Variants in SH3RF2 observed in about 807,000 individuals in gnomAD.
SH3RF2 encodes the protein SH3 domain containing ring finger 2.
SH3RF2 carries 43 observed loss-of-function variants against 59.0 expected under a neutral mutation model. That is an observed-to-expected ratio of 0.73 (90% CI 0.57 to 0.94). The LOEUF (loss-of-function observed/expected upper bound fraction) is 0.94. SH3RF2 is among the 40% of genes least tolerant of loss of function. SH3RF2 has a pLI of 0.00. For missense variants in SH3RF2, 930 were observed against 940.1 expected, an observed-to-expected ratio of 0.99 and a Z score of 0.14; for synonymous variants, 391 against 391.5, an observed-to-expected ratio of 1.00 and a Z score of 0.01.
chr5:146,048,977 C>G, intron 6 of SH3RF2, 98 bp from the exon 7 acceptor site: 2 of 1,425,662 alleles, frequency 1.4e-6, no homozygotes, highest in African/African-American at 2.8e-5. Context: ...GTTCTTATTG[C>G]TAACCACTGG....
chr5:146,019,225 G>C (rs548648164), intron 5 of SH3RF2, among the ~76,000 whole-genome samples: 1 of 152,058 alleles, frequency 6.6e-6, no homozygotes, highest in Non-Finnish European at 1.5e-5. Context: ...TTTTCTTCTA[G>C]ATTTTTTATG....
At chr5:146,026,053 C>T (rs181027560) in intron 5 of SH3RF2, among the ~76,000 whole-genome samples, 49 of 152,188 alleles carry the variant, frequency 3.2e-4, no homozygotes, top group East Asian at 1.7e-3. Flanking sequence ...ATGGGCCAAA[C>T]GTTTTAAAAT....
chr5:146,003,744 T>A (rs954384121), intron 3 of SH3RF2, among the ~76,000 whole-genome samples: 1 of 152,272 alleles, frequency 6.6e-6, no homozygotes, highest in Admixed American at 6.5e-5. Flanking sequence ...GGCTTCCATC[T>A]TGATTTCTCC....
intron 5 of SH3RF2, among the ~76,000 whole-genome samples, chr5:146,035,685 C>A (rs1345493899): frequency 6.6e-6 from 1 of 152,158 alleles, no homozygotes; most frequent in African/African-American, 2.4e-5. Context: ...AGAAAATAAC[C>A]TCCATCACCA....
chr5:145,980,556 C>G (rs1160324180), intron 2 of SH3RF2, among the ~76,000 whole-genome samples: 2 of 152,298 alleles, frequency 1.3e-5, no homozygotes, highest in Admixed American at 1.3e-4. Context: ...TCCTGCACTT[C>G]ACAATCTTTT....
At chr5:146,023,829 A>G (rs1761424217) in intron 5 of SH3RF2, among the ~76,000 whole-genome samples, 1 of 152,086 alleles carries the variant, frequency 6.6e-6, no homozygotes, top group East Asian at 1.9e-4. Context: ...CCTATTCTGG[A>G]TGTTTTCTAT....
At chr5:145,940,222 C>A (rs936639096) in intron 2 of SH3RF2, among the ~76,000 whole-genome samples, 1 of 152,204 alleles carries the variant, frequency 6.6e-6, no homozygotes, top group African/African-American at 2.4e-5. Flanking sequence ...TGTGTTCAGG[C>A]AGGACCTGGG....
At chr5:145,990,330 G>T (rs774060622) in intron 2 of SH3RF2, among the ~76,000 whole-genome samples, 2 of 152,124 alleles carry the variant, frequency 1.3e-5, no homozygotes, top group Admixed American at 6.5e-5. Context: ...CAACCTGAAG[G>T]CTCATAATTC....
chr5:146,034,366 C>T (rs976335113), intron 5 of SH3RF2, among the ~76,000 whole-genome samples: 1 of 152,056 alleles, frequency 6.6e-6, no homozygotes, highest in African/African-American at 2.4e-5. Context: ...GCTGGGACCT[C>T]GGGGCAGGGA....
chr5:146,043,318 C>G (rs1369983655), intron 5 of SH3RF2, among the ~76,000 whole-genome samples: 1 of 152,182 alleles, frequency 6.6e-6, no homozygotes, highest in Non-Finnish European at 1.5e-5. Flanking sequence ...TCAGGTGGCC[C>G]CCTACCATGA....
intron 2 of SH3RF2, among the ~76,000 whole-genome samples, chr5:145,969,503 T>C (rs1758989969): frequency 6.6e-6 from 1 of 152,140 alleles, no homozygotes; most frequent in South Asian, 2.1e-4. Context: ...AGAGGGCAGA[T>C]TCCAACAGCC....
At chr5:146,005,631 T>TA (rs1222929791) in intron 4 of SH3RF2, among the ~76,000 whole-genome samples, 1 of 152,142 alleles carries the variant, frequency 6.6e-6, no homozygotes, top group Admixed American at 6.5e-5. Context: ...CTAATTCTCA[T>TA]TCCTAATGCC....
intron 2 of SH3RF2, chr5:145,997,651 CT>C: frequency 6.4e-7 from 1 of 1,572,124 alleles, no homozygotes; most frequent in Non-Finnish European, 8.7e-7. Context: ...TTATGAGCAA[CT>C]GTTTGCTACC....
intron 5 of SH3RF2, among the ~76,000 whole-genome samples, chr5:146,016,648 T>A (rs1051937682): frequency 6.6e-6 from 1 of 152,184 alleles, no homozygotes; most frequent in Non-Finnish European, 1.5e-5. Flanking sequence ...TTTAGAATTG[T>A]CTAATTCTAG....
chr5:146,023,298 T>C (rs1414971545), intron 5 of SH3RF2, among the ~76,000 whole-genome samples: 2 of 152,090 alleles, frequency 1.3e-5, no homozygotes, highest in Non-Finnish European at 2.9e-5. Context: ...GACCTCCGCC[T>C]CCCAGGTTCA....
intron 2 of SH3RF2, among the ~76,000 whole-genome samples, chr5:145,963,362 G>C (rs557500554): frequency 1.3e-5 from 2 of 152,218 alleles, no homozygotes; most frequent in South Asian, 4.2e-4. Context: ...CAGGACTCTG[G>C]GAGGCCAAGG....
Position 146,063,274 on chromosome 5 carries a change from A to G in SH3RF2, c.*573A>G, listed in dbSNP as rs752001101. ...ATACTTTGAACATTCTGAGAACCCA[A>G]TAAAACTAGAAGGAGCCAGCTTCCT... On this transcript the variant is annotated 3_prime_UTR_variant, in exon 10 of 10. Coordinates refer to ENST00000359120, the MANE Select transcript of SH3RF2 (RefSeq NM_152550.4). The G allele has an allele frequency of 5.2e-5, 8 of 152,588 alleles. No homozygotes were observed. Among genetic ancestry groups the G allele is most frequent in the African/African-American group, 1.9e-4 (8 of 41,450 alleles). The allele number at this position is 152,588 out of a possible 1,614,324, so 9.5% of individuals were successfully genotyped here.
At chr5:145,978,595 C>T (rs910049612) in intron 2 of SH3RF2, among the ~76,000 whole-genome samples, 1 of 150,932 alleles carries the variant, frequency 6.6e-6, no homozygotes, top group Admixed American at 6.6e-5. Context: ...TGATTGAGAA[C>T]ATTAATTCAG....
intron 2 of SH3RF2, among the ~76,000 whole-genome samples, chr5:145,983,286 T>C (rs1479568797): frequency 6.6e-6 from 1 of 151,218 alleles, no homozygotes; most frequent in East Asian, 1.9e-4. Flanking sequence ...TACCAGCATT[T>C]ACTGAGTGAG....
Sources: gnomAD v4.1 joint callset for allele counts (sites outside exome capture counted in the v4.1 genomes callset) on GRCh38, gnomAD v4.1.1 for gene constraint, MANE v1.5 for transcripts, NCBI Gene and HGNC (gene_info 2026-07-23, HGNC 2026-07-21) for gene names.